ARB2A: variants seen among roughly 807,000 people sequenced by gnomAD.
ARB2A encodes the protein cotranscriptional regulator ARB2A.
the ARB2A span, among the ~76,000 whole-genome samples, chr5:94,042,991 T>C: frequency 6.6e-6 from 1 of 152,174 alleles, no homozygotes; most frequent in African/African-American, 2.4e-5. Flanking sequence ...TCAATCGTGT[T>C]TTTGACTGTG....
chr5:93,732,940 A>G, the ARB2A span, among the ~76,000 whole-genome samples: 1 of 151,816 alleles, frequency 6.6e-6, no homozygotes, highest in Non-Finnish European at 1.5e-5. Context: ...TTTTTTCTCT[A>G]TGTAATATAT....
chr5:93,943,873 A>G, the ARB2A span, among the ~76,000 whole-genome samples: 1 of 152,204 alleles, frequency 6.6e-6, no homozygotes, highest in Non-Finnish European at 1.5e-5. Flanking sequence ...GGGAAAAATC[A>G]AAATGAAATG....
the ARB2A span, among the ~76,000 whole-genome samples, chr5:93,842,695 C>T: frequency 3.3e-5 from 5 of 152,098 alleles, no homozygotes; most frequent in Non-Finnish European, 5.9e-5. Context: ...GCAGAATCCT[C>T]CAAAGCATAG....
At chr5:94,032,894 C>T in the ARB2A span, among the ~76,000 whole-genome samples, 1 of 152,138 alleles carries the variant, frequency 6.6e-6, no homozygotes, top group African/African-American at 2.4e-5. Flanking sequence ...TGTGTCCCTA[C>T]CCAAATCTCA....
At chr5:93,769,296 T>C in the ARB2A span, among the ~76,000 whole-genome samples, 7 of 152,188 alleles carry the variant, frequency 4.6e-5, no homozygotes, top group South Asian at 6.2e-4. Context: ...TTAAATTGAA[T>C]ATACAGCCTG....
the ARB2A span, among the ~76,000 whole-genome samples, chr5:93,817,240 G>A: frequency 6.6e-6 from 1 of 152,186 alleles, no homozygotes; most frequent in African/African-American, 2.4e-5. Flanking sequence ...AGTTAGAATA[G>A]CTTCAAAAAT....
chr5:93,800,872 A>G, the ARB2A span, among the ~76,000 whole-genome samples: 1 of 152,108 alleles, frequency 6.6e-6, no homozygotes, highest in East Asian at 1.9e-4. Context: ...TTTCTCTTTC[A>G]TTTTTAAATG....
chr5:94,106,126 AAAAG>A, the ARB2A span, among the ~76,000 whole-genome samples: 1 of 152,104 alleles, frequency 6.6e-6, no homozygotes, highest in Non-Finnish European at 1.5e-5. Flanking sequence ...ACAAAAATTG[AAAAG>A]AAAGACCTAA....
the ARB2A span, among the ~76,000 whole-genome samples, chr5:94,108,741 G>A: frequency 6.6e-6 from 1 of 152,094 alleles, no homozygotes; most frequent in South Asian, 2.1e-4. Context: ...GTGGAGAAAT[G>A]GTGAGGATGT....
chr5:93,978,707 T>C, the ARB2A span, among the ~76,000 whole-genome samples: 1 of 152,074 alleles, frequency 6.6e-6, no homozygotes, highest in Non-Finnish European at 1.5e-5. Flanking sequence ...ACTCATTAGA[T>C]GCCCAGACCT....
chr5:93,700,085 A>G, the ARB2A span, among the ~76,000 whole-genome samples: 1 of 152,198 alleles, frequency 6.6e-6, no homozygotes, highest in African/African-American at 2.4e-5. Context: ...ATATTTATAT[A>G]CAATTATATG....
chr5:93,736,171 C>A, the ARB2A span: 2 of 152,210 alleles, frequency 1.3e-5, no homozygotes, highest in Admixed American at 1.3e-4. Context: ...TTGTGGCCAT[C>A]ATATTTCCAA....
chr5:94,021,074 T>C, the ARB2A span, among the ~76,000 whole-genome samples: 1 of 152,142 alleles, frequency 6.6e-6, no homozygotes, highest in African/African-American at 2.4e-5. Context: ...CACTGGCTTG[T>C]TATTGGTCAC....
At chr5:93,853,172 C>T in the ARB2A span, among the ~76,000 whole-genome samples, 4 of 151,918 alleles carry the variant, frequency 2.6e-5, no homozygotes, top group Non-Finnish European at 2.9e-5. Context: ...AGGTCCTTCA[C>T]GTCCCTTGTA....
chr5:93,983,903 T>C, the ARB2A span, among the ~76,000 whole-genome samples: 4 of 151,982 alleles, frequency 2.6e-5, no homozygotes, highest in African/African-American at 9.7e-5. Context: ...AATGTCAAGG[T>C]CAAGAAAGAT....
the ARB2A span, among the ~76,000 whole-genome samples, chr5:93,889,364 A>G: frequency 6.6e-6 from 1 of 151,846 alleles, no homozygotes; most frequent in African/African-American, 2.4e-5. Flanking sequence ...GAAACACTTC[A>G]ATACACATAT....
At chr5:93,627,072 C>G in the ARB2A span, among the ~76,000 whole-genome samples, 2 of 152,202 alleles carry the variant, frequency 1.3e-5, no homozygotes, top group Non-Finnish European at 1.5e-5. Context: ...TCTCAAGAAA[C>G]CACATTCTTT....
chr5:93,758,434 G>A, the ARB2A span, among the ~76,000 whole-genome samples: 1 of 152,048 alleles, frequency 6.6e-6, no homozygotes, highest in African/African-American at 2.4e-5. Flanking sequence ...TCCAACAACT[G>A]CAGAATACAC....
chr5:93,683,809 C>G, the ARB2A span: 16 of 1,076,060 alleles, frequency 1.5e-5, no homozygotes, highest in Non-Finnish European at 2.2e-5. Context: ...GGAATCACAC[C>G]AGGCAAAAAG....
Sources: allele counts gnomAD v4.1 joint callset (sites outside exome capture counted in the v4.1 genomes callset), GRCh38; gene constraint gnomAD v4.1.1; transcripts MANE v1.5; gene names NCBI Gene and HGNC (gene_info 2026-07-23, HGNC 2026-07-21).